The following PSMB7 variants were observed in gnomAD, a reference collection of about 807,000 sequenced individuals.
PSMB7 encodes the protein proteasome subunit beta type-7.
A neutral mutation model predicts 28.1 loss-of-function variants in PSMB7; 5 were observed. The observed-to-expected ratio is 0.18, with a 90% CI of 0.09 to 0.37. The LOEUF (loss-of-function observed/expected upper bound fraction) is 0.37, where lower values mean the gene tolerates loss of function less well. Ranked by LOEUF, PSMB7 falls within the 10% of genes least tolerant of loss-of-function variation. The probability of loss-of-function intolerance (pLI) is 1.00; values close to 1 mark genes in which losing one functional copy is unlikely to be tolerated. For missense variants in PSMB7, 275 were observed against 346.2 expected (o/e 0.79, Z 1.63); for synonymous variants, 122 against 123.7 (o/e 0.99, Z 0.09).
At chr9:124,395,454 C>A (rs1830830527) in intron 5 of PSMB7, among the ~76,000 whole-genome samples, 3 of 152,258 alleles carry the variant, frequency 2.0e-5, no homozygotes, top group Admixed American at 6.5e-5. Flanking sequence ...AATCACACCA[C>A]TGCATTTCAG....
chr9:124,373,732 A>C (rs548166307), intron 6 of PSMB7, among the ~76,000 whole-genome samples: 4 of 152,368 alleles, frequency 2.6e-5, no homozygotes, highest in African/African-American at 7.2e-5. Context: ...TCTTGGTGAC[A>C]ATCAAGGATA....
Position 124,356,834 on chromosome 9 carries a change from G to T in PSMB7, c.652C>A (p.Leu218Ile), listed in dbSNP as rs118124146. The T allele has an allele frequency of 4.3e-6, 7 of 1,614,168 alleles. No individual in the cohort carries two copies. Among genetic ancestry groups the T allele is most frequent in the Non-Finnish European group, 4.2e-6 (5 of 1,180,020 alleles). ...AGCTTGTTCTTGCTGATGACGCAGAGGTCAATGTTGCTTCCGGAGCCCAGG... is the reference window on the plus strand; with the variant it reads ...AGCTTGTTCTTGCTGATGACGCAGATGTCAATGTTGCTTCCGGAGCCCAGG... ...NDLGSGSNID[L>I]CVISKNKLDF... Residue 218 changes from leucine (L) to isoleucine (I), a missense_variant, in exon 7 of 8, where the codon CTC (leucine) becomes ATC (isoleucine). Physicochemically the swap from Leu to Ile is conservative, Grantham distance 5. Transcript: ENST00000259457. The surrounding 1 kb of genome is among the most constrained non-coding windows in gnomAD (Gnocchi z 4.4).
At chr9:124,394,094 T>C (rs1250587204) in intron 5 of PSMB7, among the ~76,000 whole-genome samples, 4 of 152,346 alleles carry the variant, frequency 2.6e-5, no homozygotes, top group African/African-American at 9.6e-5. Flanking sequence ...TTCAGGGCAT[T>C]CCACTTTAAT....
chr9:124,360,856 G>A (rs910057053), intron 6 of PSMB7, among the ~76,000 whole-genome samples: 16 of 152,282 alleles, frequency 1.1e-4, no homozygotes, highest in Non-Finnish European at 2.2e-4. Context: ...TAACAAATTA[G>A]AAATAAAGGT....
intron 5 of PSMB7, among the ~76,000 whole-genome samples, chr9:124,388,561 CA>C (rs919961002): frequency 6.6e-6 from 1 of 152,232 alleles, no homozygotes; most frequent in African/African-American, 2.4e-5. Context: ...GAAACAAGCA[CA>C]GGGGTGGGAT....
At chr9:124,375,669 A>G (rs1830603487) in intron 6 of PSMB7, among the ~76,000 whole-genome samples, 1 of 152,240 alleles carries the variant, frequency 6.6e-6, no homozygotes, top group Admixed American at 6.5e-5. Flanking sequence ...AAACACCATC[A>G]AAACAGATAA....
intron 5 of PSMB7, among the ~76,000 whole-genome samples, chr9:124,393,522 C>T (rs1830810743): frequency 6.6e-6 from 1 of 152,190 alleles, no homozygotes; most frequent in African/African-American, 2.4e-5. Context: ...AAAAAGTATT[C>T]CATTTAATTT....
intron 6 of PSMB7, among the ~76,000 whole-genome samples, chr9:124,369,083 C>G (rs947177832): frequency 4.6e-5 from 7 of 152,178 alleles, no homozygotes; most frequent in South Asian, 2.1e-4. Flanking sequence ...TCTAGAAAAA[C>G]TACATTCTAA....
chr9:124,394,793 T>A (rs1006766537), intron 5 of PSMB7, among the ~76,000 whole-genome samples: 1 of 152,190 alleles, frequency 6.6e-6, no homozygotes, highest in African/African-American at 2.4e-5. Context: ...CACGGCACCA[T>A]CTATTGGCTT....
chr9:124,413,840 AG>A (rs970679433), intron 3 of PSMB7, 67 bp downstream of exon 3: 40 of 1,122,634 alleles, frequency 3.6e-5, no homozygotes, highest in Middle Eastern at 2.6e-4. Context: ...TAAGGAGCAC[AG>A]GAAGGTCAAT....
intron 4 of PSMB7, among the ~76,000 whole-genome samples, chr9:124,409,011 T>C (rs1216106728): frequency 3.3e-5 from 5 of 152,348 alleles, no homozygotes; most frequent in Admixed American, 6.5e-5. Context: ...TTTCTAAATA[T>C]TACTGAACTT....
At chr9:124,365,646 C>A (rs1052356363) in intron 6 of PSMB7, among the ~76,000 whole-genome samples, 2 of 152,216 alleles carry the variant, frequency 1.3e-5, no homozygotes, top group Non-Finnish European at 2.9e-5. Flanking sequence ...AAAAAAACTC[C>A]TCCAGGCTGG....
At chr9:124,391,113 T>A (rs1342810607) in intron 5 of PSMB7, among the ~76,000 whole-genome samples, 2 of 152,200 alleles carry the variant, frequency 1.3e-5, no homozygotes, top group African/African-American at 4.8e-5. Context: ...CTGAACAAAC[T>A]ACAACAGATG....
intron 6 of PSMB7, chr9:124,383,682 T>G (rs558026897): frequency 6.6e-6 from 1 of 152,290 alleles, no homozygotes; most frequent in East Asian, 1.9e-4. Flanking sequence ...AGAGACACCC[T>G]CTGGTCCCTA....
chr9:124,388,098 T>G (rs141205398), intron 5 of PSMB7, among the ~76,000 whole-genome samples: 1 of 152,326 alleles, frequency 6.6e-6, no homozygotes, highest in Non-Finnish European at 1.5e-5. Context: ...CCTGAGACAT[T>G]CTGTTATTTC....
chr9:124,363,124 A>C (rs1830478285), intron 6 of PSMB7, among the ~76,000 whole-genome samples: 1 of 152,170 alleles, frequency 6.6e-6, no homozygotes, highest in South Asian at 2.1e-4. Context: ...GAAAAAACGA[A>C]ACGTTCACTT....
intron 6 of PSMB7, among the ~76,000 whole-genome samples, chr9:124,357,843 A>G (rs1336001722): frequency 6.6e-6 from 1 of 152,182 alleles, no homozygotes; most frequent in Non-Finnish European, 1.5e-5. Flanking sequence ...CTGGCTAAAG[A>G]GCACGTGAAA....
intron 6 of PSMB7, among the ~76,000 whole-genome samples, chr9:124,380,368 C>T (rs953472002): frequency 1.3e-5 from 2 of 152,074 alleles, no homozygotes; most frequent in African/African-American, 4.8e-5. Context: ...AGTGAGACCT[C>T]ATCTCTACTA....
intron 4 of PSMB7, among the ~76,000 whole-genome samples, chr9:124,407,869 G>A (rs1167175457): frequency 7.2e-5 from 11 of 152,264 alleles, no homozygotes; most frequent in South Asian, 2.1e-4. Context: ...ATGCTAAGCC[G>A]AGTGTGGTGG....
Sources: gnomAD v4.1 joint callset for allele counts (sites outside exome capture counted in the v4.1 genomes callset) on GRCh38, gnomAD v4.1.1 for gene constraint, Gnocchi (gnomAD v3.1) non-coding constraint, MANE v1.5 for transcripts, NCBI Gene and HGNC (gene_info 2026-07-23, HGNC 2026-07-21) for gene names.